RIMS2: variants seen among roughly 807,000 people sequenced by gnomAD.
RIMS2 encodes regulating synaptic membrane exocytosis 2.
RIMS2 carries 59 observed loss-of-function variants against 174.4 expected under a neutral mutation model. The observed-to-expected ratio is 0.34, with a 90% confidence interval of 0.27 to 0.42. The LOEUF is 0.42. Among genes scored for constraint, RIMS2 ranks in the 10% least tolerant of loss-of-function variants. The probability of loss-of-function intolerance (pLI) is 1.00; values close to 1 mark genes in which losing one functional copy is unlikely to be tolerated. For missense variants in RIMS2, 1,620 were observed against 1,666.3 expected (o/e 0.97, Z 0.48); for synonymous variants, 606 against 572.5 (o/e 1.06, Z -0.84).
At chr8:104,151,719 G>C (rs1201480709) in intron 19 of RIMS2, among the ~76,000 whole-genome samples, 1 of 152,170 alleles carries the variant, frequency 6.6e-6, no homozygotes, top group East Asian at 1.9e-4. Flanking sequence ...TTTGAAGCTT[G>C]TGTCAGAAGC....
chr8:104,056,286 C>G (rs1298281620), intron 19 of RIMS2, among the ~76,000 whole-genome samples: 1 of 151,814 alleles, frequency 6.6e-6, no homozygotes, highest in Non-Finnish European at 1.5e-5. Context: ...TGTCTGTAGT[C>G]CCACTTACTC....
intron 1 of RIMS2, among the ~76,000 whole-genome samples, chr8:103,579,727 T>C (rs921372066): frequency 6.6e-6 from 1 of 152,220 alleles, no homozygotes; most frequent in African/African-American, 2.4e-5. Context: ...GCTTAACCAC[T>C]GTATTAGTCT....
chr8:103,698,156 A>G (rs1466353447), intron 2 of RIMS2, among the ~76,000 whole-genome samples: 2 of 152,112 alleles, frequency 1.3e-5, no homozygotes, highest in Non-Finnish European at 2.9e-5. Flanking sequence ...TTTCTTGTTA[A>G]TCCCCATTTT....
Position 104,113,839 on chromosome 8 carries a change from T to G in RIMS2, c.3334+99224T>G, listed in dbSNP as rs75537632. Among the ~76,000 whole-genome samples, 14 of 152,076 alleles carry G rather than the reference T, an allele frequency of 9.2e-5. No homozygotes were observed. The East Asian group carries it at 2.5e-3, about 27-fold the overall frequency. On this transcript the variant is annotated intron_variant, in intron 19 of 23. Coordinates refer to ENST00000504942, the Ensembl canonical transcript of RIMS2. ...GAACAGGCTACTCCCCCTATCAAATTTTGCTGAGTGCCACAAGAAGATATG... is the reference window on the plus strand; with the variant it reads ...GAACAGGCTACTCCCCCTATCAAATGTTGCTGAGTGCCACAAGAAGATATG...
chr8:103,540,503 C>G (rs776956201), intron 1 of RIMS2, among the ~76,000 whole-genome samples: 2 of 152,186 alleles, frequency 1.3e-5, no homozygotes, highest in Non-Finnish European at 2.9e-5. Flanking sequence ...TGTACCCCCA[C>G]CATAGGGGAA....
intron 1 of RIMS2, among the ~76,000 whole-genome samples, chr8:103,530,538 G>A (rs1007343513): frequency 6.6e-6 from 1 of 152,022 alleles, no homozygotes; most frequent in Non-Finnish European, 1.5e-5. Context: ...TAAAGTATAT[G>A]ATATAGAAAG....
intron 3 of RIMS2, among the ~76,000 whole-genome samples, chr8:103,797,439 A>G (rs906026743): frequency 6.6e-6 from 1 of 152,182 alleles, no homozygotes; most frequent in Non-Finnish European, 1.5e-5. Flanking sequence ...ATTAGAATGA[A>G]TTGAACTAAA....
chr8:103,902,386 A>G (rs549829243), intron 4 of RIMS2, among the ~76,000 whole-genome samples: 19 of 152,262 alleles, frequency 1.2e-4, no homozygotes, highest in African/African-American at 4.1e-4. Context: ...TACCTTGTTT[A>G]TGAGCAAGTC....
intron 1 of RIMS2, among the ~76,000 whole-genome samples, chr8:103,571,305 A>C (rs1433696387): frequency 6.6e-6 from 1 of 152,236 alleles, no homozygotes; most frequent in Non-Finnish European, 1.5e-5. Context: ...CATTCATAAT[A>C]GTCTGATCAA....
In RIMS2 at chr8:104,184,308, A is replaced by G. The variant is rs140105735; in HGVS notation, c.3335-60608A>G. 9.0e-4 allele frequency among the ~76,000 whole-genome samples: 136 copies of G among 151,728 alleles called. 1 individual carries two copies. The highest frequency in any genetic ancestry group is 3.2e-3 in the African/African-American group (132 of 41,492). On this transcript the variant is annotated intron_variant, in intron 19 of 23. Transcript: ENST00000504942. ...GTTTGCTTATACTAAATTGGGTAAT[A>G]TGCCTCTAAAGAACAAAGACCTTGT... is the stretch of plus-strand genomic sequence containing the variant.
At chr8:103,989,215 T>G in intron 16 of RIMS2, 90 bp from the exon 19 acceptor site, 1 of 779,754 alleles carries the variant, frequency 1.3e-6, no homozygotes, top group Middle Eastern at 2.4e-4. Flanking sequence ...TATAGTGACT[T>G]TGTCTTTTTC....
intron 19 of RIMS2, among the ~76,000 whole-genome samples, chr8:104,051,199 G>A (rs566366572): frequency 8.6e-5 from 13 of 151,992 alleles, no homozygotes; most frequent in East Asian, 3.9e-4. Context: ...TAATTGCAGC[G>A]CTGCACTCCA....
At chr8:103,709,329 A>T in intron 2 of RIMS2, among the ~76,000 whole-genome samples, 1 of 143,480 alleles carries the variant, frequency 7.0e-6, no homozygotes. Context: ...TACTCTCATT[A>T]CGGTATGTGG....
chr8:104,016,773 G>T (rs2095921110), intron 19 of RIMS2, among the ~76,000 whole-genome samples: 1 of 151,980 alleles, frequency 6.6e-6, no homozygotes, highest in Non-Finnish European at 1.5e-5. Flanking sequence ...ATAGTCTATT[G>T]AAATATAAGT....
At chr8:103,960,890 C>T (rs553222623) in intron 14 of RIMS2, among the ~76,000 whole-genome samples, 175 bp from the exon 17 acceptor site, 16 of 152,202 alleles carry the variant, frequency 1.1e-4, no homozygotes, top group Non-Finnish European at 1.9e-4. Context: ...ATCCTCACGT[C>T]ATGAAATGCA....
rs569385057 is a variant in RIMS2 at position 103,921,690 on chromosome 8, C to T, written c.2102C>T (p.Ser701Phe). 2.0e-6 allele frequency: 3 copies of T among 1,490,400 alleles called. No individual in the cohort carries two copies. The East Asian group carries it at 6.8e-5, about 34-fold the overall frequency. 92.3% of individuals were successfully genotyped at this position (1,490,400 alleles called of 1,614,324 possible). Reference sequence around the variant, plus strand: ...GTTTCAGGTTCTAGCTCCTTTGAATCTCAAAAAATGGATCGTCCTTCTATT... The same window carrying T: ...GTTTCAGGTTCTAGCTCCTTTGAATTTCAAAAAATGGATCGTCCTTCTATT... The change falls in exon 10 of 24, where the codon TCT becomes TTT. Residue 701 changes from serine (S) to phenylalanine (F), a missense_variant. Around this residue, in one of 2 missense-constraint regions of RIMS2, gnomAD observed 1,395 missense variants for 1,360.1 expected, o/e 1.03. Transcript: ENST00000504942.
intron 1 of RIMS2, among the ~76,000 whole-genome samples, chr8:103,663,932 A>C (rs1456151117): frequency 6.6e-6 from 1 of 152,230 alleles, no homozygotes; most frequent in Non-Finnish European, 1.5e-5. Flanking sequence ...GTACCAAAAC[A>C]GTTATGTAGA....
chr8:103,902,715 C>T (rs1352984734), intron 4 of RIMS2, among the ~76,000 whole-genome samples: 1 of 149,542 alleles, frequency 6.7e-6, no homozygotes, highest in Non-Finnish European at 1.5e-5. Context: ...AATATAGTTC[C>T]TGGGACACTT....
chr8:103,562,671 A>C (rs1221974830), intron 1 of RIMS2, among the ~76,000 whole-genome samples: 1 of 152,132 alleles, frequency 6.6e-6, no homozygotes, highest in African/African-American at 2.4e-5. Flanking sequence ...CCCTCTTCTC[A>C]TAGCTCCACT....
Sources: allele counts gnomAD v4.1 joint callset (sites outside exome capture counted in the v4.1 genomes callset), GRCh38; gene constraint gnomAD v4.1.1; regional missense constraint gnomAD v4.1.1; transcripts MANE v1.5; gene names NCBI Gene and HGNC (gene_info 2026-07-23, HGNC 2026-07-21).